PADI1: variants seen among roughly 807,000 people sequenced by gnomAD.
PADI1 encodes protein-arginine deiminase type-1.
Under a neutral mutation model 74.8 loss-of-function variants are expected in PADI1, and 65 were observed. The ratio of observed to expected loss-of-function variants is 0.87; its 90% CI spans 0.71 to 1.07. PADI1 has a LOEUF of 1.07. Among genes scored for constraint, PADI1 ranks in the 50% least tolerant of loss-of-function variants. The pLI, the probability that PADI1 is intolerant of heterozygous loss-of-function variation, is 0.00. For missense variants in PADI1, 943 were observed against 854.0 expected (o/e 1.10, Z -1.30); for synonymous variants, 371 against 336.2 (o/e 1.10, Z -1.13).
intron 11 of PADI1, among the ~76,000 whole-genome samples, chr1:17,235,964 T>C (rs1365519928): frequency 6.6e-6 from 1 of 152,158 alleles, no homozygotes; most frequent in African/African-American, 2.4e-5. Context: ...GCTGTTGGAC[T>C]GAAAACCAGG....
intron 11 of PADI1, among the ~76,000 whole-genome samples, chr1:17,235,463 C>A (rs1226963377): frequency 6.6e-6 from 1 of 152,098 alleles, no homozygotes; most frequent in African/African-American, 2.4e-5. Context: ...GGACCTCAGG[C>A]AGGAGGGGGC....
chr1:17,230,702 C>T (rs368995945), intron 10 of PADI1, 23 bp downstream of exon 10: 3 of 1,430,680 alleles, frequency 2.1e-6, no homozygotes, highest in Non-Finnish European at 2.9e-6. Context: ...AGGTAGAGTG[C>T]AGAAACCCTG....
chr1:17,225,820 C>A lies in PADI1; in HGVS notation c.418C>A (p.Arg140Ser). The stretch of plus-strand genomic sequence containing the variant: ...TCTTATTTTGCCACAGAAAACCTGG[C>A]GCTGGGGCCCTGAGGGCTATGGGGC... Reference protein sequence around the residue: ...KRSQGDKKTWRWGPEGYGAIL... With the variant: ...KRSQGDKKTWSWGPEGYGAIL... The change falls in exon 5 of 16, where the codon CGC (arginine) becomes AGC (serine). Residue 140 changes from arginine (R) to serine (S), a missense_variant. Arg to Ser is a moderately radical substitution (Grantham distance 110). Transcript: ENST00000375471. The A allele has an allele frequency of 1.2e-6, 2 of 1,613,686 alleles. No individual in the cohort carries two copies. The highest frequency in any genetic ancestry group is 1.7e-6 in the Non-Finnish European group (2 of 1,179,650).
intron 4 of PADI1, among the ~76,000 whole-genome samples, chr1:17,224,818 T>C (rs570376386): frequency 6.6e-6 from 1 of 152,038 alleles, no homozygotes; most frequent in Non-Finnish European, 1.5e-5. Context: ...GAGGAGGCTA[T>C]GGTGGTCAGC....
In PADI1 at chr1:17,236,752, C is replaced by CA. The variant is rs369253431; in HGVS notation, c.1314-553dup. The stretch of plus-strand genomic sequence containing the variant: ...CAACAGAGTGAGTGAGACCTTGTCT[C>CA]AAAAAAAAATTAAAAAAGAGAGAGA... On this transcript the variant is annotated intron_variant, in intron 11 of 15. Coordinates refer to ENST00000375471, the MANE Select transcript of PADI1 (RefSeq NM_013358.3). Among the ~76,000 whole-genome samples the CA allele has an allele frequency of 4.7e-5, 6 of 126,862 alleles. 1 individual carries two copies. The South Asian group carries it at 9.9e-4, about 21-fold the overall frequency. 83.2% of individuals were successfully genotyped at this position (126,862 alleles called of 152,430 possible).
At chr1:17,210,005 C>A (rs989422182) in intron 1 of PADI1, among the ~76,000 whole-genome samples, 1 of 151,932 alleles carries the variant, frequency 6.6e-6, no homozygotes, top group Non-Finnish European at 1.5e-5. Context: ...CAGTTATGCA[C>A]CACCCCGTAT....
Position 17,220,119 on chromosome 1 carries a change from C to T in PADI1, c.93-2171C>T, listed in dbSNP as rs530276094. Among the ~76,000 whole-genome samples, 4 of 151,512 alleles carry T rather than the reference C, an allele frequency of 2.6e-5. No homozygotes were observed. In the East Asian group the frequency reaches 7.8e-4, roughly 30 times the overall value. On this transcript the variant is annotated intron_variant, in intron 1 of 15. Coordinates refer to ENST00000375471, the MANE Select transcript of PADI1 (RefSeq NM_013358.3). Reference sequence around the variant, plus strand: ...CTGTGGAATGTGGTGATTGTAAGGCCAGGAGTGGGGGATGGGGGAGGTGGG... The same window carrying T: ...CTGTGGAATGTGGTGATTGTAAGGCTAGGAGTGGGGGATGGGGGAGGTGGG...
intron 1 of PADI1, among the ~76,000 whole-genome samples, chr1:17,216,801 C>T (rs1217346586): frequency 1.3e-5 from 2 of 152,142 alleles, no homozygotes; most frequent in South Asian, 2.1e-4. Flanking sequence ...ACCCAGGAGG[C>T]AGAGGTTGCA....
intron 14 of PADI1, chr1:17,240,242 G>C (rs903306995): frequency 8.1e-6 from 2 of 248,096 alleles, no homozygotes; most frequent in African/African-American, 4.4e-5. Context: ...GAAGGGGCTA[G>C]CACAGAGTCG....
chr1:17,225,872 A>G lies in PADI1; in HGVS notation c.470A>G (p.Asp157Gly). 1 of 1,614,004 alleles carries G rather than the reference A, an allele frequency of 6.2e-7. No individual in the cohort carries two copies. The highest frequency in any genetic ancestry group is 8.5e-7 in the Non-Finnish European group (1 of 1,179,982). Residue 157 changes from aspartate (D) to glycine (G), a missense_variant, in exon 5 of 16, where the codon GAC becomes GGC. Transcript: ENST00000375471. The stretch of plus-strand genomic sequence containing the variant: ...ATCTTGCTGGTGAACTGTGACCGGG[A>G]CAATCACAGGTCCGCAGAGCCTGAC... ...GAILLVNCDRDNHRSAEPDLT... is the reference protein window; with the variant it reads ...GAILLVNCDRGNHRSAEPDLT...
intron 15 of PADI1, among the ~76,000 whole-genome samples, chr1:17,243,302 C>T (rs1346502990): frequency 1.5e-5 from 2 of 135,382 alleles, no homozygotes; most frequent in Non-Finnish European, 3.2e-5. Context: ...CAGAGTTAAA[C>T]TCAAGTGTCC....
At chr1:17,227,980 C>G (rs951112385) in intron 6 of PADI1, among the ~76,000 whole-genome samples, 1 of 152,148 alleles carries the variant, frequency 6.6e-6, no homozygotes, top group African/African-American at 2.4e-5. Context: ...TAGCATGAAT[C>G]AGTGCTTCAT....
At chr1:17,209,031 G>A (rs974708799) in intron 1 of PADI1, among the ~76,000 whole-genome samples, 2 of 152,180 alleles carry the variant, frequency 1.3e-5, no homozygotes, top group Non-Finnish European at 2.9e-5. Flanking sequence ...TAGGGAGAAG[G>A]GACTCTGCAG....
chr1:17,238,517 T>C, intron 12 of PADI1, 99 bp from the exon 13 acceptor site: 1 of 482,204 alleles, frequency 2.1e-6, no homozygotes, highest in South Asian at 6.7e-5. Flanking sequence ...GAGAGGGGAG[T>C]CCCAAGAACT....
At chr1:17,241,947 C>G (rs34703588) in intron 15 of PADI1, among the ~76,000 whole-genome samples, 55 of 135,836 alleles carry the variant, frequency 4.0e-4, no homozygotes, top group Middle Eastern at 9.1e-3. Context: ...TCGGAATCGG[C>G]ATGGAATCAG....
Position 17,238,619 on chromosome 1 carries a change from T to C in PADI1, c.1462T>C (p.Phe488Leu). Reference protein sequence around the residue: ...TFVPTSDQKGFRLLLASPSAC... With the variant: ...TFVPTSDQKGLRLLLASPSAC... ...ATTCTCCCTCCCTCCGTGCCAGGGC[T>C]TCCGGCTGCTCCTGGCTAGCCCCAG... is the stretch of plus-strand genomic sequence containing the variant. Residue 488 changes from phenylalanine (F) to leucine (L), a missense_variant, in exon 13 of 16, where the codon TTC (phenylalanine) becomes CTC (leucine). Coordinates refer to ENST00000375471, the MANE Select transcript of PADI1 (RefSeq NM_013358.3). The C allele has an allele frequency of 6.7e-7, 1 of 1,502,188 alleles. No homozygotes were observed. The allele number at this position is 1,502,188 out of a possible 1,614,324, so 93.1% of individuals were successfully genotyped here.
intron 6 of PADI1, among the ~76,000 whole-genome samples, chr1:17,227,538 TAAATA>T (rs900582169): frequency 6.3e-5 from 5 of 79,452 alleles, no homozygotes; most frequent in African/African-American, 2.2e-4. Context: ...CTCAAATAAA[TAAATA>T]AATAAATAAA....
At position 17,228,776 on chromosome 1, in the gene PADI1, T is replaced by A. The variant is rs2072396957; in HGVS notation, c.804T>A (p.Ser268Arg). The A allele has an allele frequency of 1.9e-6, 3 of 1,613,984 alleles. No homozygotes were observed. Among genetic ancestry groups the A allele is most frequent in the East Asian group, 4.5e-5 (2 of 44,872 alleles). Residue 268 changes from serine to arginine, a missense_variant, in exon 7 of 16, where the codon AGT becomes AGA. Coordinates refer to ENST00000375471, the MANE Select transcript of PADI1 (RefSeq NM_013358.3). ...ATTTCCTAGGGCTGGTTTCCCTCAG[T>A]GTCAGCCTGGTGGACCCGGGGGTGT... ...DADFLGLVSL[S>R]VSLVDPGTLP...
At chr1:17,234,571 G>A (rs1435639052) in intron 11 of PADI1, among the ~76,000 whole-genome samples, 1 of 152,238 alleles carries the variant, frequency 6.6e-6, no homozygotes, top group Admixed American at 6.5e-5. Context: ...ACAACCCTGT[G>A]AGACTGAGAC....
Sources: allele counts gnomAD v4.1 joint callset (sites outside exome capture counted in the v4.1 genomes callset), GRCh38; gene constraint gnomAD v4.1.1; transcripts MANE v1.5; gene names NCBI Gene and HGNC (gene_info 2026-07-23, HGNC 2026-07-21).